Variants in LIFR observed in about 807,000 individuals in gnomAD.
LIFR encodes leukemia inhibitory factor receptor.
In LIFR, 84 loss-of-function variants were observed where a neutral mutation model predicts 122.2. That is an observed-to-expected ratio of 0.69 (90% CI 0.58 to 0.82). The LOEUF is 0.82. Ranked by LOEUF, LIFR falls within the 40% of genes least tolerant of loss-of-function variation. LIFR has a pLI of 0.00. For missense variants in LIFR, 1,294 were observed against 1,311.6 expected (o/e 0.99, Z 0.21); for synonymous variants, 422 against 434.7 (o/e 0.97, Z 0.36).
upstream of LIFR, among the ~76,000 whole-genome samples, chr5:38,598,403 T>A (rs2112778365): frequency 6.6e-6 from 1 of 151,688 alleles, no homozygotes; most frequent in African/African-American, 2.4e-5. Context: ...TGCACCACCA[T>A]GCCTGGCTAA....
In LIFR at chr5:38,481,368, G is replaced by C. The variant is rs1322936486; in HGVS notation, c.*227C>G. On this transcript the variant is annotated 3_prime_UTR_variant, in exon 20 of 20. Transcript: ENST00000453190. Reference sequence around the variant, plus strand: ...GAGAATTCTTTGGCTTGATCACAAAGAGCTCCCAATCTTGAGTTTTGTGGA... The same window carrying C: ...GAGAATTCTTTGGCTTGATCACAAACAGCTCCCAATCTTGAGTTTTGTGGA... The C allele has an allele frequency of 3.4e-6, 2 of 581,024 alleles. No homozygotes were observed. Among genetic ancestry groups the C allele is most frequent in the East Asian group, 5.8e-5 (2 of 34,486 alleles). The allele number at this position is 581,024 out of a possible 1,614,324, so 36.0% of individuals were successfully genotyped here. A position where few individuals can be genotyped will look rare whatever the true frequency, so the allele number is the denominator to read the frequency against.
intron 6 of LIFR, among the ~76,000 whole-genome samples, chr5:38,511,041 AG>A (rs960180307): frequency 6.6e-6 from 1 of 152,216 alleles, no homozygotes; most frequent in African/African-American, 2.4e-5. Flanking sequence ...AAGAAGTCTA[AG>A]GGTTGAAATT....
intron 1 of LIFR, among the ~76,000 whole-genome samples, chr5:38,549,610 G>A (rs1748090573): frequency 1.3e-5 from 2 of 152,146 alleles, no homozygotes; most frequent in African/African-American, 4.8e-5. Context: ...GGCTAACACG[G>A]TGAAACGCAT....
At chr5:38,583,892 T>C (rs1263726660) in intron 1 of LIFR, among the ~76,000 whole-genome samples, 1 of 152,172 alleles carries the variant, frequency 6.6e-6, no homozygotes, top group East Asian at 1.9e-4. Context: ...CTGATGGCTT[T>C]ATAAGGGGTT....
At chr5:38,553,661 TATA>T (rs1748357004) in intron 1 of LIFR, among the ~76,000 whole-genome samples, 2 of 112,338 alleles carry the variant, frequency 1.8e-5, no homozygotes, top group East Asian at 7.1e-4. Flanking sequence ...TATATATATA[TATA>T]TATATATATT....
At chr5:38,541,168 G>A (rs903998224) in intron 1 of LIFR, among the ~76,000 whole-genome samples, 2 of 152,182 alleles carry the variant, frequency 1.3e-5, no homozygotes, top group Admixed American at 1.3e-4. Flanking sequence ...ATCTAAGCAG[G>A]TGAAACATCT....
intron 12 of LIFR, among the ~76,000 whole-genome samples, chr5:38,498,187 A>G (rs933261880): frequency 2.0e-5 from 3 of 152,184 alleles, no homozygotes; most frequent in African/African-American, 7.2e-5. Context: ...GGCAGGCTTT[A>G]GTCCTAAGAC....
chr5:38,586,396 A>G (rs1021460220), intron 1 of LIFR, among the ~76,000 whole-genome samples: 3 of 152,264 alleles, frequency 2.0e-5, no homozygotes, highest in African/African-American at 7.2e-5. Flanking sequence ...AGAAGATACA[A>G]GTCTGTTACA....
rs1013763652 is a variant in LIFR at position 38,495,174 on chromosome 5, T to C, written c.1885+1208A>G. ...GTTTCAGAAAGTGTCTGGAAGCTGA[T>C]GACAGAATTGCTAGTTCTGTAAATT... On this transcript the variant is annotated intron_variant, in intron 13 of 19. Coordinates refer to ENST00000453190, the MANE Select transcript of LIFR (RefSeq NM_001127671.2). 6.6e-5 allele frequency among the ~76,000 whole-genome samples: 10 copies of C among 152,324 alleles called. No homozygotes were observed. The East Asian group carries it at 1.7e-3, about 26-fold the overall frequency.
At chr5:38,529,962 G>A (rs1291089887) in intron 2 of LIFR, among the ~76,000 whole-genome samples, 1 of 152,130 alleles carries the variant, frequency 6.6e-6, no homozygotes, top group Non-Finnish European at 1.5e-5. Flanking sequence ...GCAGGAGGAT[G>A]ATAATTTCTT....
At chr5:38,536,050 C>G (rs749313855) in intron 1 of LIFR, among the ~76,000 whole-genome samples, 5 of 152,162 alleles carry the variant, frequency 3.3e-5, no homozygotes, top group Non-Finnish European at 7.3e-5. Context: ...GACATCGTAT[C>G]TTTATCTTTG....
chr5:38,545,995 T>G (rs1747870312), intron 1 of LIFR, among the ~76,000 whole-genome samples: 1 of 151,372 alleles, frequency 6.6e-6, no homozygotes, highest in Non-Finnish European at 1.5e-5. Flanking sequence ...GTGGAGAAAA[T>G]TCAACTGTAT....
chr5:38,481,870 G>A lies in LIFR; in HGVS notation c.3019C>T (p.Leu1007Phe), dbSNP rs777881199. Residue 1007 changes from leucine to phenylalanine, a missense_variant, in exon 20 of 20, where the codon CTC becomes TTC. Physicochemically the swap from Leu to Phe is conservative, Grantham distance 22. Coordinates refer to ENST00000453190, the MANE Select transcript of LIFR (RefSeq NM_001127671.2). ...TCTTCCACAGTAGAATTAATGGGGA[G>A]GTGCATCTGTGGCTTATAGCCTGCC... is the stretch of plus-strand genomic sequence containing the variant. The part of the protein sequence containing the change: ...GGAGYKPQMH[L>F]PINSTVEDIA... 1 of 1,614,108 alleles carries A rather than the reference G, an allele frequency of 6.2e-7. No homozygotes were observed. The highest frequency in any genetic ancestry group is 1.1e-5 in the South Asian group (1 of 91,074).
At chr5:38,510,370 A>T in intron 7 of LIFR, 94 bp downstream of exon 7, 1 of 1,093,286 alleles carries the variant, frequency 9.1e-7, no homozygotes, top group Non-Finnish European at 1.4e-6. Context: ...AAACAGAATC[A>T]CTCCTCCCAC....
At chr5:38,577,469 G>A (rs1486866707) in intron 1 of LIFR, among the ~76,000 whole-genome samples, 9 of 152,026 alleles carry the variant, frequency 5.9e-5, no homozygotes, top group Admixed American at 5.2e-4. Flanking sequence ...TTCCCACACT[G>A]TCCAGATAGT....
Position 38,510,643 on chromosome 5 carries a change from C to G in LIFR, c.812G>C (p.Cys271Ser). Residue 271 changes from cysteine (C) to serine (S), a missense_variant, in exon 7 of 20, where the codon TGT (cysteine) becomes TCT (serine). Coordinates refer to ENST00000453190, the MANE Select transcript of LIFR (RefSeq NM_001127671.2). ...TGATAACACTTTTTCTTGACTCACA[C>G]AACAAAATGTTATGTCTGAGCCTAC... is the stretch of plus-strand genomic sequence containing the variant. The part of the protein sequence containing the change: ...ILVGSDITFC[C>S]VSQEKVLSAL... 1 of 1,613,732 alleles carries G rather than the reference C, an allele frequency of 6.2e-7. No homozygotes were observed. The highest frequency in any genetic ancestry group is 8.5e-7 in the Non-Finnish European group (1 of 1,179,714).
chr5:38,550,577 GTATAAGTACTGTCTTA>G (rs1748149000), intron 1 of LIFR, among the ~76,000 whole-genome samples: 1 of 152,202 alleles, frequency 6.6e-6, no homozygotes. Context: ...CTTTCAGATT[GTATAAGTACTGTCTTA>G]TAGCTAACAT....
intron 4 of LIFR, 46 bp downstream of exon 4, chr5:38,527,109 T>C: frequency 1.3e-6 from 2 of 1,519,664 alleles, no homozygotes; most frequent in Non-Finnish European, 1.8e-6. Flanking sequence ...TACTAACAAG[T>C]GACACTTGAC....
In LIFR at chr5:38,510,036, T is replaced by C. The variant is rs3797162; in HGVS notation, c.991+428A>G. On this transcript the variant is annotated intron_variant, in intron 7 of 19. Transcript: ENST00000453190. The stretch of plus-strand genomic sequence containing the variant: ...GTTAAAAGATGGAGAAGATATGTTA[T>C]GCTACTGAAAGATTTTGTGTAAAAT... 3.3e-5 allele frequency among the ~76,000 whole-genome samples: 5 copies of C among 152,372 alleles called. No homozygotes were observed. In the East Asian group the frequency reaches 9.6e-4, roughly 29 times the overall value.
Sources: allele counts gnomAD v4.1 joint callset (sites outside exome capture counted in the v4.1 genomes callset), GRCh38; gene constraint gnomAD v4.1.1; transcripts MANE v1.5; gene names NCBI Gene and HGNC (gene_info 2026-07-23, HGNC 2026-07-21).